Variants in JMJD8 observed in about 807,000 individuals in gnomAD.
The protein encoded by JMJD8 is jumonji domain containing 8.
In JMJD8, 56 loss-of-function variants were observed where a neutral mutation model predicts 37.6. The ratio of observed to expected loss-of-function variants is 1.49; its 90% CI spans 1.20 to 1.86. JMJD8 has a LOEUF of 1.86. Ranked by LOEUF, JMJD8 falls within the 40% of genes most tolerant of loss-of-function variation. The pLI is 0.00. For missense variants in JMJD8, 542 were observed against 362.7 expected, an observed-to-expected ratio of 1.49 and a Z score of -4.01; for synonymous variants, 261 against 163.7, an observed-to-expected ratio of 1.59 and a Z score of -4.54.
At position 682,259 on chromosome 16, in the gene JMJD8, A is replaced by G. The variant is rs2039695494; in HGVS notation, c.*535T>C. 6.2e-7 allele frequency: 1 copy of G among 1,609,410 alleles called. No homozygotes were observed. Among genetic ancestry groups the G allele is most frequent in the East Asian group, 2.2e-5 (1 of 44,636 alleles). On this transcript the variant is annotated 3_prime_UTR_variant, in exon 9 of 9. Coordinates refer to ENST00000609261, the MANE Select transcript of JMJD8 (RefSeq NM_001005920.4). Reference sequence around the variant, plus strand: ...CCCAGTGGCATCACCTACGACCGCAAGGACATCGAGGAGCACCTGCAGGTG... The same window carrying G: ...CCCAGTGGCATCACCTACGACCGCAGGGACATCGAGGAGCACCTGCAGGTG...
Position 683,823 on chromosome 16 carries a change from G to A in JMJD8, c.225+38C>T, listed in dbSNP as rs770217450. The A allele has an allele frequency of 2.4e-5, 38 of 1,586,112 alleles. No individual in the cohort carries two copies. The African/African-American group carries it at 2.4e-4, about 10-fold the overall frequency. The stretch of plus-strand genomic sequence containing the variant: ...GGGACTTAGTGGCCGGGCCCAGCAC[G>A]GGCGAGAGTGGCCGGGGACGGACGG... On this transcript the variant is annotated intron_variant, in intron 3 of 8. Transcript: ENST00000609261.
At chr16:683,967 C>A in intron 2 of JMJD8, 58 bp from the exon 3 acceptor site, 1 of 1,556,980 alleles carries the variant, frequency 6.4e-7, no homozygotes, top group Non-Finnish European at 8.6e-7. Context: ...CGCCCCAGCC[C>A]CACGCGTGCG....
rs766681550 is a variant in JMJD8, at chr16:683,061, C to T, written c.606G>A (p.Lys202=). The T allele has an allele frequency of 4.3e-6, 7 of 1,613,628 alleles. No individual in the cohort carries two copies. Among genetic ancestry groups the T allele is most frequent in the Non-Finnish European group, 4.2e-6 (5 of 1,179,884 alleles). The change falls in exon 8 of 9, where the codon AAG becomes AAA. Residue 202 remains lysine (K), a synonymous_variant. Coordinates refer to ENST00000609261, the MANE Select transcript of JMJD8 (RefSeq NM_001005920.4). ...TCTTGTTGGGGTGGAACTCTGGCGT[C>T]TTCTCAGGTGGGTAAAGGAACCAGC... ...RKRWFLYPPE[K]TPEFHPNKTT...
chr16:684,214 G>GC lies in JMJD8; in HGVS notation c.86+19dup, dbSNP rs2039836768. The GC allele has an allele frequency of 2.3e-6, 3 of 1,307,492 alleles. No individual in the cohort carries two copies. The highest frequency in any genetic ancestry group is 2.3e-5 in the South Asian group (1 of 44,224). The allele number at this position is 1,307,492 out of a possible 1,614,324, so 81.0% of individuals were successfully genotyped here. ...CCGCCGCACGTGACCCCACCGCCCG[G>GC]CCCCTCCCGGGCCGCTCACCACCCG... is the stretch of plus-strand genomic sequence containing the variant. On this transcript the variant is annotated intron_variant, in intron 1 of 8. Transcript: ENST00000609261.
Position 681,758 on chromosome 16 carries a change from G to A in JMJD8, c.*1036C>T, listed in dbSNP as rs746632213. 1.3e-6 allele frequency: 2 copies of A among 1,570,572 alleles called. No individual in the cohort carries two copies. The highest frequency in any genetic ancestry group is 2.7e-5 in the African/African-American group (2 of 74,254). On this transcript the variant is annotated 3_prime_UTR_variant, in exon 9 of 9. Transcript: ENST00000609261. ...TGGGGTGTGGTCAGACATCTGGCCAGGTCCATCTCTGACCGGCTCCTGGTC... is the reference window on the plus strand; with the variant it reads ...TGGGGTGTGGTCAGACATCTGGCCAAGTCCATCTCTGACCGGCTCCTGGTC...
In JMJD8 at chr16:682,682, G is replaced by C; in HGVS notation, c.*112C>G. 1 of 1,430,222 alleles carries C rather than the reference G, an allele frequency of 7.0e-7. No individual in the cohort carries two copies. The highest frequency in any genetic ancestry group is 1.3e-5 in the South Asian group (1 of 77,502). 88.6% of individuals were successfully genotyped at this position (1,430,222 alleles called of 1,614,324 possible). ...TCCCCCTTTGTGGGCTGGAAAAGCA[G>C]GTGAGGGTGGGCTGGGCTGAGGCCA... is the stretch of plus-strand genomic sequence containing the variant. On this transcript the variant is annotated 3_prime_UTR_variant, in exon 9 of 9. Coordinates refer to ENST00000609261, the MANE Select transcript of JMJD8 (RefSeq NM_001005920.4).
Position 684,123 on chromosome 16 carries a change from T to C in JMJD8, c.119A>G (p.Glu40Gly). Reference sequence around the variant, plus strand: ...CCGACGCTCCACCGTGCAGCGCTCCTCCTCCGCCACGGCCCCCGGCCCGCC... The same window carrying C: ...CCGACGCTCCACCGTGCAGCGCTCCCCCTCCGCCACGGCCCCCGGCCCGCC... ...RPGGPGAVAE[E>G]ERCTVERRAD... The change falls in exon 2 of 9, where the codon GAG (glutamate) becomes GGG (glycine). Residue 40 changes from glutamate to glycine, a missense_variant. Transcript: ENST00000609261. The C allele has an allele frequency of 6.5e-7, 1 of 1,534,922 alleles. No individual in the cohort carries two copies. The highest frequency in any genetic ancestry group is 8.7e-7 in the Non-Finnish European group (1 of 1,150,732).
At position 683,894 on chromosome 16, in the gene JMJD8, C is replaced by T; in HGVS notation, c.192G>A (p.Arg64=). ...CCGTGAGTCCCTGCAGGATGACGGGCCTGACGAAGGCGTACCTGGAAAGAA... is the reference window on the plus strand; with the variant it reads ...CCGTGAGTCCCTGCAGGATGACGGGTCTGACGAAGGCGTACCTGGAAAGAA... The part of the protein sequence containing the change: ...AEFVQQYAFV[R]PVILQGLTDN... Residue 64 remains arginine (R), a synonymous_variant, in exon 3 of 9, where the codon AGG becomes AGA. Transcript: ENST00000609261. 1 of 1,582,328 alleles carries T rather than the reference C, an allele frequency of 6.3e-7. No homozygotes were observed. The highest frequency in any genetic ancestry group is 8.6e-7 in the Non-Finnish European group (1 of 1,167,006).
At position 684,065 on chromosome 16, in the gene JMJD8, C is replaced by G. The variant is rs200243945; in HGVS notation, c.176+1G>C. Reference sequence around the variant, plus strand: ...ACCTCCGCGATCAGGGGCGCACGTACTGCTGCACGAACTCCGCGTAGGTGA... The same window carrying G: ...ACCTCCGCGATCAGGGGCGCACGTAGTGCTGCACGAACTCCGCGTAGGTGA... On this transcript the variant is annotated splice_donor_variant, in intron 2 of 8. Coordinates refer to ENST00000609261, the MANE Select transcript of JMJD8 (RefSeq NM_001005920.4). LOFTEE classifies it high-confidence loss of function. The G allele has an allele frequency of 1.3e-6, 2 of 1,580,152 alleles. No homozygotes were observed. Among genetic ancestry groups the G allele is most frequent in the Non-Finnish European group, 1.7e-6 (2 of 1,171,560 alleles).
Position 682,128 on chromosome 16 carries a change from CCTT to C in JMJD8, c.*663_*665del. On this transcript the variant is annotated 3_prime_UTR_variant, in exon 9 of 9. Transcript: ENST00000609261. ...GGCTGGCAGGTGCTCGTGCAGTGCCCCTTTTCAGCCTCTGACCGTGTGCCCCTG... is the reference window on the plus strand; with the variant it reads ...GGCTGGCAGGTGCTCGTGCAGTGCCCTTCAGCCTCTGACCGTGTGCCCCTG... 6.3e-7 allele frequency: 1 copy of C among 1,589,448 alleles called. No individual in the cohort carries two copies. Among genetic ancestry groups the C allele is most frequent in the Admixed American group, 1.7e-5 (1 of 59,380 alleles).
At position 683,073 on chromosome 16, in the gene JMJD8, G is replaced by C. The variant is rs1242634685; in HGVS notation, c.594C>G (p.Tyr198Ter). 3.7e-6 allele frequency: 6 copies of C among 1,613,504 alleles called. No homozygotes were observed. The highest frequency in any genetic ancestry group is 1.1e-5 in the South Asian group (1 of 91,094). ...GGAACTCTGGCGTCTTCTCAGGTGG[G>C]TAAAGGAACCAGCGCTGGGGGCATG... ...VIYGRKRWFL[Y>*]PPEKTPEFHP... The change falls in exon 8 of 9, where the codon TAC becomes TAG. Residue 198 changes from tyrosine (Y) to a stop codon, truncating the protein, a stop_gained. Transcript: ENST00000609261. LOFTEE classifies it high-confidence loss of function.
Position 683,020 on chromosome 16 carries a change from A to C in JMJD8, c.647T>G (p.Leu216Arg). The change falls in exon 8 of 9, where the codon CTC (leucine) becomes CGC (arginine). Residue 216 changes from leucine (L) to arginine (R), a missense_variant. Transcript: ENST00000609261. ...TGGCAGGGCTGGGTATGTGTCCCGG[A>C]GCCAGGCCAGCGTGGTCTTGTTGGG... ...FHPNKTTLAWLRDTYPALPPS... is the reference protein window; with the variant it reads ...FHPNKTTLAWRRDTYPALPPS... The C allele has an allele frequency of 6.2e-7, 1 of 1,613,396 alleles. No individual in the cohort carries two copies. Among genetic ancestry groups the C allele is most frequent in the Non-Finnish European group, 8.5e-7 (1 of 1,179,858 alleles).
In JMJD8 at chr16:681,931, G is replaced by A. The variant is rs1335559782; in HGVS notation, c.*863C>T. ...GGGTCTGTGTGTGTGCACGTGGCGT[G>A]GGAGCATCCCCGCCTTGTGTTGGGT... On this transcript the variant is annotated 3_prime_UTR_variant, in exon 9 of 9. Transcript: ENST00000609261. The A allele has an allele frequency of 5.6e-6, 9 of 1,612,764 alleles. No homozygotes were observed. Among genetic ancestry groups the A allele is most frequent in the Non-Finnish European group, 5.9e-6 (7 of 1,179,568 alleles).
chr16:682,780 G>A lies in JMJD8; in HGVS notation c.*14C>T. 1.2e-6 allele frequency: 2 copies of A among 1,612,692 alleles called. No homozygotes were observed. The highest frequency in any genetic ancestry group is 2.2e-5 in the East Asian group (1 of 44,886). ...GTGCTGGTGTGTGACCGGCAGTCCT[G>A]CCAGCTGTTTTGGCTAGCCGAGGAA... On this transcript the variant is annotated 3_prime_UTR_variant, in exon 9 of 9. Transcript: ENST00000609261.
chr16:682,524 G>A lies in JMJD8; in HGVS notation c.*270C>T, dbSNP rs1252857689. The A allele has an allele frequency of 6.2e-7, 1 of 1,612,056 alleles. No individual in the cohort carries two copies. The highest frequency in any genetic ancestry group is 1.7e-5 in the Admixed American group (1 of 60,002). On this transcript the variant is annotated 3_prime_UTR_variant, in exon 9 of 9. Transcript: ENST00000609261. ...CCCTACCTGGCGTCCTGGTCCAGGG[G>A]AGCCCTGGGCAGAAGCCCCCGGCCC...
At position 683,386 on chromosome 16, in the gene JMJD8, C is replaced by A. The variant is rs776218102; in HGVS notation, c.447G>T (p.Arg149=). The A allele has an allele frequency of 1.3e-6, 2 of 1,555,688 alleles. No individual in the cohort carries two copies. Among genetic ancestry groups the A allele is most frequent in the Admixed American group, 3.9e-5 (2 of 51,286 alleles). Residue 149 remains arginine, a synonymous_variant, in exon 6 of 9, where the codon CGG becomes CGT. Coordinates refer to ENST00000609261, the MANE Select transcript of JMJD8 (RefSeq NM_001005920.4). ...NNFTEWASLF[R]HYSPPPFGLL... ...GGCCAAATGGGGGTGGGGAGTAGTGCCGAAAGAGAGAGGCCCACTCGGTGA... is the reference window on the plus strand; with the variant it reads ...GGCCAAATGGGGGTGGGGAGTAGTGACGAAAGAGAGAGGCCCACTCGGTGA...
In JMJD8 at chr16:683,558, G is replaced by T. The variant is rs373360141; in HGVS notation, c.363C>A (p.His121Gln). 5.1e-6 allele frequency: 8 copies of T among 1,571,162 alleles called. No homozygotes were observed. The Admixed American group carries it at 1.1e-4, about 22-fold the overall frequency. Residue 121 changes from histidine to glutamine, a missense_variant, in exon 5 of 9, where the codon CAC (histidine) becomes CAA (glutamine). Physicochemically the swap from His to Gln is conservative, Grantham distance 24 (BLOSUM62 0). Coordinates refer to ENST00000609261, the MANE Select transcript of JMJD8 (RefSeq NM_001005920.4). ...TGCCCAGGGAGGTGGGGTCCTGGGGGTGCAGCAGCTGCTCCACATACTCCT... is the reference window on the plus strand; with the variant it reads ...TGCCCAGGGAGGTGGGGTCCTGGGGTTGCAGCAGCTGCTCCACATACTCCT... ...PFQEYVEQLL[H>Q]PQDPTSLGND...
Position 683,170 on chromosome 16 carries a change from AC to A in JMJD8, c.575del (p.Arg192LeufsTer129). 6.2e-7 allele frequency: 1 copy of A among 1,613,308 alleles called. No individual in the cohort carries two copies. Among genetic ancestry groups the A allele is most frequent in the Non-Finnish European group, 8.5e-7 (1 of 1,179,866 alleles). On this transcript the variant is annotated frameshift_variant, in exon 7 of 9. Coordinates refer to ENST00000609261, the MANE Select transcript of JMJD8 (RefSeq NM_001005920.4). LOFTEE classifies it high-confidence loss of function. Reference sequence around the variant, plus strand: ...TCAACCCCCACCCCGTGCTGACCTTACGACCGTAGATCACTTCTGAGTACCC... The same window carrying A: ...TCAACCCCCACCCCGTGCTGACCTTAGACCGTAGATCACTTCTGAGTACCC... ...GPGYSEVIYG[R>X]KRWFLYPPEK... is the part of the protein sequence containing the mutation.
chr16:683,206 C>G lies in JMJD8; in HGVS notation c.540G>C (p.Trp180Cys). The G allele has an allele frequency of 1.2e-6, 2 of 1,613,190 alleles. No homozygotes were observed. The highest frequency in any genetic ancestry group is 8.5e-7 in the Non-Finnish European group (1 of 1,179,870). Residue 180 changes from tryptophan to cysteine, a missense_variant, in exon 7 of 9, where the codon TGG (tryptophan) becomes TGC (cysteine). Transcript: ENST00000609261. ...AGAGSGVPFH[W>C]HGPGYSEVIY... ...TCACTTCTGAGTACCCGGGTCCATGCCAGTGGAAGGGCACCCCCGAGCCAG... is the reference window on the plus strand; with the variant it reads ...TCACTTCTGAGTACCCGGGTCCATGGCAGTGGAAGGGCACCCCCGAGCCAG...
Sources: gnomAD v4.1 joint callset for allele counts on GRCh38, gnomAD v4.1.1 for gene constraint, MANE v1.5 for transcripts, NCBI Gene and HGNC (gene_info 2026-07-23, HGNC 2026-07-21) for gene names.